SFI1: variants seen among roughly 807,000 people sequenced by gnomAD.
SFI1 encodes the protein SFI1 centrin binding protein, also known as protein SFI1 homolog.
A neutral mutation model predicts 207.5 loss-of-function variants in SFI1; 195 were observed. The ratio of observed to expected loss-of-function variants is 0.94; its 90% CI spans 0.84 to 1.06. The LOEUF is 1.06. Ranked by LOEUF, SFI1 falls within the 50% of genes least tolerant of loss-of-function variation. The pLI is 0.00. For missense variants in SFI1, 1,634 were observed against 1,588.0 expected (o/e 1.03, Z -0.49); for synonymous variants, 630 against 598.9 (o/e 1.05, Z -0.76).
chr22:31,569,657 G>A (rs1446563395), intron 8 of SFI1, among the ~76,000 whole-genome samples: 1 of 152,106 alleles, frequency 6.6e-6, no homozygotes, highest in Non-Finnish European at 1.5e-5. Context: ...TGTGTTAGGA[G>A]TACATCAGAG....
intron 8 of SFI1, 56 bp from the exon 9 acceptor site, chr22:31,573,002 A>T (rs2063111864): frequency 1.9e-6 from 3 of 1,579,918 alleles, no homozygotes; most frequent in Non-Finnish European, 2.6e-6. Flanking sequence ...CTCCACCTGT[A>T]CTTCACCCTG....
At chr22:31,510,714 A>T (rs1301758512) in intron 2 of SFI1, among the ~76,000 whole-genome samples, 1 of 152,196 alleles carries the variant, frequency 6.6e-6, no homozygotes, top group Non-Finnish European at 1.5e-5. Context: ...GATTACAGGC[A>T]TGAGCCACTG....
chr22:31,513,334 T>G (rs2055910776), intron 2 of SFI1, among the ~76,000 whole-genome samples: 1 of 151,860 alleles, frequency 6.6e-6, no homozygotes, highest in South Asian at 2.1e-4. Flanking sequence ...AATTTTTGTA[T>G]TTTTTGTAGA....
At chr22:31,584,661 G>A (rs2064785001) in intron 13 of SFI1, among the ~76,000 whole-genome samples, 1 of 152,048 alleles carries the variant, frequency 6.6e-6, no homozygotes, top group Non-Finnish European at 1.5e-5. Context: ...ATAATAAACT[G>A]ACTCATTTAG....
chr22:31,570,709 C>G (rs2062858871), intron 8 of SFI1, among the ~76,000 whole-genome samples: 1 of 152,074 alleles, frequency 6.6e-6, no homozygotes, highest in East Asian at 1.9e-4. Flanking sequence ...CAAGACCAGC[C>G]TGGGCAACAT....
intron 2 of SFI1, among the ~76,000 whole-genome samples, chr22:31,522,508 A>G (rs1455833007): frequency 6.6e-6 from 1 of 151,798 alleles, no homozygotes; most frequent in Non-Finnish European, 1.5e-5. Context: ...TCCTACCCTA[A>G]CCCTTTATAA....
At chr22:31,526,474 T>G (rs905818063) in intron 2 of SFI1, among the ~76,000 whole-genome samples, 1 of 152,170 alleles carries the variant, frequency 6.6e-6, no homozygotes, top group African/African-American at 2.4e-5. Flanking sequence ...TCACCTTCCA[T>G]GAGGTCCCTC....
At chr22:31,572,082 G>A (rs990197828) in intron 8 of SFI1, among the ~76,000 whole-genome samples, 6 of 152,252 alleles carry the variant, frequency 3.9e-5, no homozygotes, top group Admixed American at 2.6e-4. Context: ...GAGCATGGGC[G>A]GTTCATCCAG....
At position 31,604,380 on chromosome 22, in the gene SFI1, G is replaced by C. The variant is rs61738369; in HGVS notation, c.1953G>C (p.Leu651=). 1.2e-3 allele frequency: 1,897 copies of C among 1,562,420 alleles called. 25 individuals are homozygous for C. In the African/African-American group the frequency reaches 0.022, roughly 18 times the overall value. Residue 651 remains leucine, a synonymous_variant, in exon 19 of 33, where the codon CTG becomes CTC. Coordinates refer to ENST00000400288, the MANE Select transcript of SFI1 (RefSeq NM_001007467.3). ...RADLHHQHSV[L]HRALQAWVTY... is the part of the protein sequence containing the mutation. ...ACCTGCACCACCAGCACAGCGTGCTGCACAGGGCGCTGCAGGCATGGGTGG... is the reference window on the plus strand; with the variant it reads ...ACCTGCACCACCAGCACAGCGTGCTCCACAGGGCGCTGCAGGCATGGGTGG...
intron 4 of SFI1, among the ~76,000 whole-genome samples, chr22:31,534,495 G>A (rs1602277412): frequency 1.3e-5 from 2 of 152,072 alleles, no homozygotes; most frequent in South Asian, 4.1e-4. Flanking sequence ...GAACGTCCCA[G>A]GGTATTCTCT....
At chr22:31,617,269 T>C (rs1170677145) in intron 31 of SFI1, among the ~76,000 whole-genome samples, 191 bp downstream of exon 31, 2 of 152,086 alleles carry the variant, frequency 1.3e-5, no homozygotes, top group Non-Finnish European at 2.9e-5. Flanking sequence ...CATGGCTCTC[T>C]ACCCGGCTCA....
At chr22:31,514,885 C>T (rs1393843386) in intron 2 of SFI1, among the ~76,000 whole-genome samples, 2 of 151,852 alleles carry the variant, frequency 1.3e-5, no homozygotes, top group Non-Finnish European at 2.9e-5. Context: ...GATTCTTCTG[C>T]CTCAGCCTCT....
intron 12 of SFI1, among the ~76,000 whole-genome samples, chr22:31,581,075 G>A (rs962240172): frequency 6.6e-6 from 1 of 151,854 alleles, no homozygotes; most frequent in Non-Finnish European, 1.5e-5. Context: ...GATCACTGCA[G>A]GTTCAAGTGA....
intron 1 of SFI1, among the ~76,000 whole-genome samples, chr22:31,498,685 A>C (rs2053179480): frequency 6.6e-6 from 1 of 151,946 alleles, no homozygotes; most frequent in Non-Finnish European, 1.5e-5. Context: ...AGTTTGAAAA[A>C]GTTGAGTCAG....
At chr22:31,564,881 T>G (rs1242009954) in intron 8 of SFI1, among the ~76,000 whole-genome samples, 2 of 145,406 alleles carry the variant, frequency 1.4e-5, no homozygotes, top group Non-Finnish European at 3.0e-5. Context: ...TATCGCGATG[T>G]TGGCTCACTG....
intron 8 of SFI1, 138 bp downstream of exon 8, chr22:31,561,530 C>A: frequency 1.5e-6 from 1 of 679,210 alleles, no homozygotes; most frequent in Non-Finnish European, 2.4e-6. Flanking sequence ...GAAGGCTGGG[C>A]TCTTCCAGAG....
Position 31,546,934 on chromosome 22 carries a change from G to A in SFI1, c.412G>A (p.Glu138Lys), listed in dbSNP as rs202117817. ...AGAGGAGTGGTGGGTTTTCCAGCACGAGTGGAAACTCTGTGTTCGAGCTGA... is the reference window on the plus strand; with the variant it reads ...AGAGGAGTGGTGGGTTTTCCAGCACAAGTGGAAACTCTGTGTTCGAGCTGA... ...WKEEWWVFQH[E>K]WKLCVRADCH... The change falls in exon 5 of 33, where the codon GAG becomes AAG. Residue 138 changes from glutamate (E) to lysine (K), a missense_variant. Transcript: ENST00000400288. 6 of 1,612,066 alleles carry A rather than the reference G, an allele frequency of 3.7e-6. No individual in the cohort carries two copies. Among genetic ancestry groups the A allele is most frequent in the Non-Finnish European group, 4.2e-6 (5 of 1,179,096 alleles).
chr22:31,542,855 T>C (rs867787222), intron 4 of SFI1, among the ~76,000 whole-genome samples: 1 of 151,868 alleles, frequency 6.6e-6, no homozygotes, highest in Admixed American at 6.6e-5. Context: ...AGAGATGGGG[T>C]TTCGCCACGT....
intron 4 of SFI1, among the ~76,000 whole-genome samples, chr22:31,536,098 T>C (rs1384656023): frequency 6.6e-6 from 1 of 152,114 alleles, no homozygotes; most frequent in Non-Finnish European, 1.5e-5. Flanking sequence ...CCTGCTCAAA[T>C]TTTTTTCTAC....
Sources: allele counts gnomAD v4.1 joint callset (sites outside exome capture counted in the v4.1 genomes callset), GRCh38; gene constraint gnomAD v4.1.1; transcripts MANE v1.5; gene names NCBI Gene and HGNC (gene_info 2026-07-23, HGNC 2026-07-21).